The following ZNF236 variants were observed in gnomAD, a reference collection of about 807,000 sequenced individuals.
The protein encoded by ZNF236 is zinc finger protein 236, also known as regulated by glucose.
Under a neutral mutation model 191.2 loss-of-function variants are expected in ZNF236, and 50 were observed. The observed-to-expected ratio is 0.26, with a 90% CI of 0.21 to 0.33. The LOEUF is 0.33. ZNF236 is among the 10% of genes least tolerant of loss of function. The pLI is 1.00. For synonymous variants in ZNF236, 907 were observed against 928.8 expected (o/e 0.98, Z 0.43); for missense variants, 1,754 against 2,374.5 (o/e 0.74, Z 5.43).
intron 1 of ZNF236, among the ~76,000 whole-genome samples, chr18:76,822,989 G>A (rs531860845): frequency 0.012 from 1,766 of 145,760 alleles, 25 homozygotes; most frequent in African/African-American, 0.041. Flanking sequence ...GCCGCGGCCC[G>A]CGCTGAACTT....
intron 25 of ZNF236, among the ~76,000 whole-genome samples, chr18:76,930,700 GT>G (rs1414967345): frequency 6.6e-6 from 1 of 152,162 alleles, no homozygotes; most frequent in East Asian, 1.9e-4. Context: ...GGGAGGTTCT[GT>G]TATCGCCTGG....
At chr18:76,844,198 C>T (rs1000205416) in intron 1 of ZNF236, among the ~76,000 whole-genome samples, 21 of 150,978 alleles carry the variant, frequency 1.4e-4, no homozygotes, top group Admixed American at 5.3e-4. Context: ...GGAGATCACA[C>T]CAGTGAACTC....
Position 76,881,435 on chromosome 18 carries a change from A to G in ZNF236, c.1340A>G (p.Glu447Gly). The G allele has an allele frequency of 6.2e-7, 1 of 1,614,182 alleles. No individual in the cohort carries two copies. Among genetic ancestry groups the G allele is most frequent in the Non-Finnish European group, 8.5e-7 (1 of 1,180,034 alleles). The change falls in exon 9 of 31, where the codon GAA (glutamate) becomes GGA (glycine). Residue 447 changes from glutamate to glycine, a missense_variant. By Grantham distance (98) the Glu-to-Gly change is moderately conservative. Around this residue, in one of 5 missense-constraint regions of ZNF236, gnomAD observed 126 missense variants for 110.9 expected, o/e 1.14. Transcript: ENST00000320610. The part of the protein sequence containing the change: ...EQTDPTDAEQ[E>G]KEQESPEKLD... The stretch of plus-strand genomic sequence containing the variant: ...ACGGACCCCACAGACGCAGAGCAAG[A>G]AAAAGAACAGGAAAGCCCGGAGAAA...
intron 9 of ZNF236, among the ~76,000 whole-genome samples, chr18:76,884,061 TATC>T (rs1345012637): frequency 6.6e-6 from 1 of 152,212 alleles, no homozygotes; most frequent in African/African-American, 2.4e-5. Flanking sequence ...CTTTTATAGT[TATC>T]ATGCAACTTG....
intron 27 of ZNF236, among the ~76,000 whole-genome samples, chr18:76,951,353 C>T (rs1340194639): frequency 6.6e-6 from 1 of 152,204 alleles, no homozygotes; most frequent in Non-Finnish European, 1.5e-5. Context: ...TTCATCGATG[C>T]TCTTGGCTAG....
At chr18:76,843,945 A>G (rs1049703105) in intron 1 of ZNF236, among the ~76,000 whole-genome samples, 8 of 151,090 alleles carry the variant, frequency 5.3e-5, no homozygotes, top group Non-Finnish European at 1.2e-4. Context: ...GGAAGAAGGT[A>G]GAAGGGAGTT....
At chr18:76,897,439 C>CA (rs1338468086) in intron 10 of ZNF236, among the ~76,000 whole-genome samples, 1 of 151,314 alleles carries the variant, frequency 6.6e-6, no homozygotes, top group Non-Finnish European at 1.5e-5. Context: ...CAGTACTACA[C>CA]ACAAGTACTG....
In ZNF236 at chr18:76,872,855, T is replaced by C. The variant is rs528996629; in HGVS notation, c.667+1030T>C. 1.7e-4 allele frequency among the ~76,000 whole-genome samples: 26 copies of C among 152,368 alleles called. No individual in the cohort carries two copies. The South Asian group carries it at 5.0e-3, about 29-fold the overall frequency. Reference sequence around the variant, plus strand: ...TCTTTTATAGTGATAAAGTAAGAAATCTCACAGCTATTTTGCTTGGCTGCT... The same window carrying C: ...TCTTTTATAGTGATAAAGTAAGAAACCTCACAGCTATTTTGCTTGGCTGCT... On this transcript the variant is annotated intron_variant, in intron 5 of 30. Transcript: ENST00000320610.
At chr18:76,961,765 G>A (rs951679927) in intron 30 of ZNF236, among the ~76,000 whole-genome samples, 3 of 151,628 alleles carry the variant, frequency 2.0e-5, no homozygotes, top group Admixed American at 6.6e-5. Context: ...CCATTCTTGC[G>A]TGAGTAAAAT....
At chr18:76,940,479 C>A (rs1314725868) in intron 26 of ZNF236, among the ~76,000 whole-genome samples, 1 of 152,128 alleles carries the variant, frequency 6.6e-6, no homozygotes, top group Non-Finnish European at 1.5e-5. Context: ...TTATTGTAGA[C>A]TTTTAACTAT....
rs138726597 is a variant in ZNF236 at position 76,909,161 on chromosome 18, G to T, written c.2551+588G>T. On this transcript the variant is annotated intron_variant, in intron 14 of 30. Transcript: ENST00000320610. ...GAAACCGTATCTCTACTAAAAATAC[G>T]AAACTTAGCTGGGTGTGGTGGTGCA... 3.2e-3 allele frequency among the ~76,000 whole-genome samples: 490 copies of T among 151,714 alleles called. 11 individuals carry two copies. The South Asian group carries it at 0.045, about 14-fold the overall frequency.
chr18:76,844,246 A>G (rs1463824850), intron 1 of ZNF236, among the ~76,000 whole-genome samples: 1 of 151,934 alleles, frequency 6.6e-6, no homozygotes, highest in Non-Finnish European at 1.5e-5. Context: ...TCTCAAAAAA[A>G]AAAAAAAAGG....
chr18:76,950,601 C>T (rs573167782), intron 27 of ZNF236, among the ~76,000 whole-genome samples: 3 of 152,312 alleles, frequency 2.0e-5, no homozygotes, highest in Admixed American at 6.5e-5. Context: ...CCCATTCCTC[C>T]ACATCTGTAG....
chr18:76,845,717 C>T (rs910309131), intron 1 of ZNF236, among the ~76,000 whole-genome samples: 2 of 151,962 alleles, frequency 1.3e-5, no homozygotes, highest in South Asian at 4.2e-4. Context: ...GGCGTGGTGG[C>T]GCACACCTGT....
rs754268318 is a variant in ZNF236 at position 76,927,351 on chromosome 18, C to T, written c.4248C>T (p.Gly1416=). 1.9e-6 allele frequency: 3 copies of T among 1,614,182 alleles called. No homozygotes were observed. Among genetic ancestry groups the T allele is most frequent in the Non-Finnish European group, 1.7e-6 (2 of 1,180,026 alleles). The change falls in exon 24 of 31, where the codon GGC becomes GGT. Residue 1416 remains glycine (G), a synonymous_variant. Coordinates refer to ENST00000320610, the MANE Select transcript of ZNF236 (RefSeq NM_001306089.2). This position sits in a 1 kb window ranked among gnomAD's most constrained non-coding sequence, Gnocchi z 5.4. ...LLAQQLTGEP[G]LAPQNSSLQT... ...CTCAGCAGCTCACGGGGGAGCCTGG[C>T]CTGGCCCCACAGAACAGCTCTCTCC... is the stretch of plus-strand genomic sequence containing the variant.
Position 76,923,188 on chromosome 18 carries a change from GC to G in ZNF236, c.3661+16del. 6 of 1,548,162 alleles carry G rather than the reference GC, an allele frequency of 3.9e-6. No homozygotes were observed. Among genetic ancestry groups the G allele is most frequent in the Non-Finnish European group, 5.4e-6 (6 of 1,119,918 alleles). On this transcript the variant is annotated intron_variant, in intron 21 of 30. Transcript: ENST00000320610. Reference sequence around the variant, plus strand: ...AGACTCACACAGGTAAGGAAAACATGCCTGCGTCATTGGTAGAGGTCTTAGG... The same window carrying G: ...AGACTCACACAGGTAAGGAAAACATGCTGCGTCATTGGTAGAGGTCTTAGG...
chr18:76,956,602 G>A (rs1210861632), intron 28 of ZNF236, among the ~76,000 whole-genome samples: 3 of 152,316 alleles, frequency 2.0e-5, no homozygotes, highest in Admixed American at 6.5e-5. Flanking sequence ...TCACCCTGGG[G>A]ACCAGCCCTG....
In ZNF236 at chr18:76,865,027, G is replaced by A. The variant is rs113477445; in HGVS notation, c.364-3658G>A. On this transcript the variant is annotated intron_variant, in intron 3 of 30. Transcript: ENST00000320610. The stretch of plus-strand genomic sequence containing the variant: ...TCAGATACCAATAATTACTTTAAAT[G>A]TAAGTACGTGAATTAAAAGACATTG... Among the ~76,000 whole-genome samples the A allele has an allele frequency of 9.6e-4, 146 of 152,280 alleles. 3 individuals carry two copies. The highest frequency in any genetic ancestry group is 3.4e-3 in the African/African-American group (142 of 41,558).
chr18:76,910,638 C>T (rs765970120), intron 15 of ZNF236, 22 bp from the exon 16 acceptor site: 3 of 1,602,636 alleles, frequency 1.9e-6, no homozygotes, highest in Non-Finnish European at 2.6e-6. Context: ...TTGTAGAACT[C>T]CTCTTTTCTA....
Sources: gnomAD v4.1 joint callset for allele counts (sites outside exome capture counted in the v4.1 genomes callset) on GRCh38, gnomAD v4.1.1 for gene constraint, gnomAD v4.1.1 regional missense constraint, Gnocchi (gnomAD v3.1) non-coding constraint, MANE v1.5 for transcripts, NCBI Gene and HGNC (gene_info 2026-07-23, HGNC 2026-07-21) for gene names.